Variants in MYT1 observed in about 807,000 individuals in gnomAD.
MYT1 encodes myelin transcription factor 1, also known as myelin transcription factor I.
A neutral mutation model predicts 123.0 loss-of-function variants in MYT1; 23 were observed. That is an observed-to-expected ratio of 0.19 (90% CI 0.13 to 0.26). The LOEUF (loss-of-function observed/expected upper bound fraction) is 0.26. Ranked by LOEUF, MYT1 falls within the 10% of genes least tolerant of loss-of-function variation. MYT1 has a pLI of 1.00. For synonymous variants in MYT1, 518 were observed against 575.3 expected (o/e 0.90, Z 1.43); for missense variants, 1,125 against 1,472.5 (o/e 0.76, Z 3.86).
chr20:64,208,112 G>A lies in MYT1; in HGVS notation c.916G>A (p.Glu306Lys). 3 of 1,611,354 alleles carry A rather than the reference G, an allele frequency of 1.9e-6. No homozygotes were observed. The highest frequency in any genetic ancestry group is 2.5e-6 in the Non-Finnish European group (3 of 1,178,796). ...EEEEEEEEEE[E>K]AAPDVIFQED... ...AGAGGAAGAGGAAGAGGAGGAGGAG[G>A]AGGCAGCTCCTGATGTGATCTTTCA... The change falls in exon 7 of 23, where the codon GAG becomes AAG. Residue 306 changes from glutamate to lysine, a missense_variant. By Grantham distance (56) the Glu-to-Lys change is moderately conservative. Transcript: ENST00000328439. This position sits in a 1 kb window ranked among gnomAD's most constrained non-coding sequence, Gnocchi z 5.4.
At chr20:64,179,644 C>T (rs407518) in intron 1 of MYT1, among the ~76,000 whole-genome samples, 138,657 of 152,022 alleles carry the variant, frequency 0.91, 63,301 homozygotes, top group East Asian at 1. Context: ...GAGGCTCCTG[C>T]AGCCTCGGTC....
At chr20:64,173,365 C>T (rs1396940226) in intron 1 of MYT1, among the ~76,000 whole-genome samples, 1 of 152,178 alleles carries the variant, frequency 6.6e-6, no homozygotes, top group Non-Finnish European at 1.5e-5. Context: ...TTGTGGGCTT[C>T]TCCCCAGCCT....
chr20:64,190,283 C>T lies in MYT1; in HGVS notation c.-1+123C>T, dbSNP rs1245189530. On this transcript the variant is annotated intron_variant, in intron 2 of 22. Transcript: ENST00000328439. The surrounding 1 kb of genome is among the most constrained non-coding windows in gnomAD (Gnocchi z 4.1). ...TTTTGGTCTGATCCTCACCAGAGTC[C>T]GGGTTAGGTGAAGGGTAAATGGGGA... 6.6e-6 allele frequency: 1 copy of T among 152,226 alleles called. No homozygotes were observed. The highest frequency in any genetic ancestry group is 1.5e-5 in the Non-Finnish European group (1 of 68,036). The allele number at this position is 152,226 out of a possible 1,614,324, so 9.4% of individuals were successfully genotyped here. A position where few individuals can be genotyped will look rare whatever the true frequency, so the allele number is the denominator to read the frequency against.
Position 64,240,558 on chromosome 20 carries a change from T to A in MYT1, c.*110T>A. 7.0e-7 allele frequency: 1 copy of A among 1,424,712 alleles called. No individual in the cohort carries two copies. The highest frequency in any genetic ancestry group is 1.5e-5 in the South Asian group (1 of 67,750). 88.3% of individuals were successfully genotyped at this position (1,424,712 alleles called of 1,614,324 possible). A position where few individuals can be genotyped will look rare whatever the true frequency, so the allele number is the denominator to read the frequency against. ...CAGTGACTTCCCGTTTGGGGCCCGG[T>A]GTGGCCGCGGGCGGGTTTATCCAAA... On this transcript the variant is annotated 3_prime_UTR_variant, in exon 23 of 23. Transcript: ENST00000328439.
Position 64,227,894 on chromosome 20 carries a change from C to A in MYT1, c.2598C>A (p.Ser866=). The change falls in exon 18 of 23, where the codon TCC becomes TCA. Residue 866 remains serine, a synonymous_variant. Coordinates refer to ENST00000328439, the MANE Select transcript of MYT1 (RefSeq NM_004535.3). ...TGNYASHRSL[S]GCPRAKKSGV... ...TTTCCTCTTTCGAAATCAGCTTGTC[C>A]GGCTGCCCTCGTGCAAAGAAAAGTG... 6.2e-7 allele frequency: 1 copy of A among 1,612,462 alleles called. No homozygotes were observed. The highest frequency in any genetic ancestry group is 1.1e-5 in the South Asian group (1 of 90,646).
rs1181367641 is a variant in MYT1 at position 64,232,559 on chromosome 20, G to A, written c.2897+174G>A. Among the ~76,000 whole-genome samples, 2 of 152,144 alleles carry A rather than the reference G, an allele frequency of 1.3e-5. No individual in the cohort carries two copies. The highest frequency in any genetic ancestry group is 2.1e-4 in the South Asian group (1 of 4,834). ...ATGGGGGAGGCTAGCGGGTCTGTTGGTGCCAGGTGATGCTGTGGGTTATGT... is the reference window on the plus strand; with the variant it reads ...ATGGGGGAGGCTAGCGGGTCTGTTGATGCCAGGTGATGCTGTGGGTTATGT... On this transcript the variant is annotated intron_variant, in intron 19 of 22. Transcript: ENST00000328439. The surrounding 1 kb of genome is among the most constrained non-coding windows in gnomAD (Gnocchi z 6.9).
Position 64,237,312 on chromosome 20 carries a change from G to T in MYT1, c.3015G>T (p.Lys1005Asn), listed in dbSNP as rs749226505. The T allele has an allele frequency of 6.2e-7, 1 of 1,611,216 alleles. No individual in the cohort carries two copies. Among genetic ancestry groups the T allele is most frequent in the Non-Finnish European group, 8.5e-7 (1 of 1,179,366 alleles). The change falls in exon 21 of 23, where the codon AAG (lysine) becomes AAT (asparagine). Residue 1005 changes from lysine to asparagine, a missense_variant. Physicochemically the swap from Lys to Asn is moderately conservative, Grantham distance 94 (BLOSUM62 0). Around this residue, in one of 4 missense-constraint regions of MYT1, gnomAD observed 243 missense variants for 323.1 expected, o/e 0.75. Coordinates refer to ENST00000328439, the MANE Select transcript of MYT1 (RefSeq NM_004535.3). ...TGTTGGAGAATGATGAGGAGATCAA[G>T]CAGCTGAACCAGGAGATCCGAGACC... ...SDVLENDEEI[K>N]QLNQEIRDLN...
intron 1 of MYT1, among the ~76,000 whole-genome samples, chr20:64,170,247 A>C (rs1982210188): frequency 6.7e-6 from 1 of 150,280 alleles, no homozygotes; most frequent in South Asian, 2.1e-4. Flanking sequence ...ACTTACCTTT[A>C]CTCTCACGTG....
Position 64,207,611 on chromosome 20 carries a change from T to C in MYT1, c.415T>C (p.Ser139Pro). 1 of 1,613,276 alleles carries C rather than the reference T, an allele frequency of 6.2e-7. No homozygotes were observed. The highest frequency in any genetic ancestry group is 8.5e-7 in the Non-Finnish European group (1 of 1,179,690). Residue 139 changes from serine to proline, a missense_variant, in exon 7 of 23, where the codon TCC becomes CCC. Coordinates refer to ENST00000328439, the MANE Select transcript of MYT1 (RefSeq NM_004535.3). Reference protein sequence around the residue: ...ETAEGRSPVKSHFGSNPIGSA... With the variant: ...ETAEGRSPVKPHFGSNPIGSA... ...TTGTGCAGGAAGGAGCCCCGTCAAG[T>C]CCCATTTTGGATCCAACCCCATCGG...
rs2145707447 is a variant in MYT1, at chr20:64,196,535, C to T, written c.1-2327C>T. On this transcript the variant is annotated intron_variant, in intron 2 of 22. Coordinates refer to ENST00000328439, the MANE Select transcript of MYT1 (RefSeq NM_004535.3). The surrounding 1 kb of genome is among the most constrained non-coding windows in gnomAD (Gnocchi z 4.3). ...TCAGAAACCAGTGTCCCAAGTCACC[C>T]AGCTCTTACGGGTTCATTCTCGTAT... 6.6e-6 allele frequency among the ~76,000 whole-genome samples: 1 copy of T among 152,368 alleles called. No individual in the cohort carries two copies. The highest frequency in any genetic ancestry group is 3.4e-3 in the Middle Eastern group (1 of 294).
intron 1 of MYT1, among the ~76,000 whole-genome samples, chr20:64,169,318 A>G (rs1371294718): frequency 6.6e-6 from 1 of 152,236 alleles, no homozygotes; most frequent in Non-Finnish European, 1.5e-5. Flanking sequence ...CCAGAGCCAC[A>G]GACCCGAGGC....
At position 64,166,909 on chromosome 20, in the gene MYT1, C is replaced by G. The variant is rs146507220; in HGVS notation, c.-99+2170C>G. ...CTGGGCAGCTCTGGCAGCTGACCAA[C>G]GGCAGCCTGGATGGTGGCTGGAGCT... On this transcript the variant is annotated intron_variant, in intron 1 of 22. Coordinates refer to ENST00000328439, the MANE Select transcript of MYT1 (RefSeq NM_004535.3). The surrounding 1 kb of genome is among the most constrained non-coding windows in gnomAD (Gnocchi z 4.9). 6.6e-6 allele frequency among the ~76,000 whole-genome samples: 1 copy of G among 152,138 alleles called. No individual in the cohort carries two copies. Among genetic ancestry groups the G allele is most frequent in the African/African-American group, 2.4e-5 (1 of 41,422 alleles).
intron 1 of MYT1, among the ~76,000 whole-genome samples, chr20:64,177,759 G>T (rs1412042901): frequency 3.3e-5 from 5 of 152,114 alleles, no homozygotes; most frequent in African/African-American, 1.2e-4. Context: ...GTCCTGTGTG[G>T]GCTGAGGGAG....
At position 64,237,295 on chromosome 20, in the gene MYT1, AATG is replaced by A. The variant is rs1277236100; in HGVS notation, c.3003_3005del (p.Asp1001del). 6.2e-7 allele frequency: 1 copy of A among 1,610,626 alleles called. No individual in the cohort carries two copies. Among genetic ancestry groups the A allele is most frequent in the Non-Finnish European group, 8.5e-7 (1 of 1,179,176 alleles). On this transcript the variant is annotated inframe_deletion, in exon 21 of 23. Transcript: ENST00000328439. ...GTTTCTCTCTGGGTCAGTGTTGGAG[AATG>A]ATGAGGAGATCAAGCAGCTGAACCA...
chr20:64,238,715 C>T (rs529310550), intron 21 of MYT1, among the ~76,000 whole-genome samples: 6 of 152,038 alleles, frequency 3.9e-5, no homozygotes, highest in Non-Finnish European at 7.4e-5. Context: ...CTGCTCCTCC[C>T]CTTCTCAGAG....
intron 18 of MYT1, among the ~76,000 whole-genome samples, chr20:64,229,769 G>A (rs559803174): frequency 6.6e-6 from 1 of 152,314 alleles, no homozygotes; most frequent in South Asian, 2.1e-4. Context: ...TCCTGCCTGC[G>A]CTATTTAAAA....
rs7263705 is a variant in MYT1 at position 64,196,396 on chromosome 20, A to G, written c.1-2466A>G. On this transcript the variant is annotated intron_variant, in intron 2 of 22. Transcript: ENST00000328439. The surrounding 1 kb of genome is among the most constrained non-coding windows in gnomAD (Gnocchi z 4.3). ...ATCTTGCGGCAGGAGGAGAGCAGAGAACTCACCTCTGAAGTGCTTTGACTT... is the reference window on the plus strand; with the variant it reads ...ATCTTGCGGCAGGAGGAGAGCAGAGGACTCACCTCTGAAGTGCTTTGACTT... Among the ~76,000 whole-genome samples the G allele has an allele frequency of 0.13, 20,077 of 152,218 alleles. 1,538 individuals carry two copies. Among genetic ancestry groups the G allele is most frequent in the African/African-American group, 0.18 (7,640 of 41,514 alleles).
At position 64,205,153 on chromosome 20, in the gene MYT1, G is replaced by C. The variant is rs1301903444; in HGVS notation, c.149+56G>C. 3.2e-6 allele frequency: 5 copies of C among 1,579,592 alleles called. No homozygotes were observed. The African/African-American group carries it at 6.7e-5, about 21-fold the overall frequency. ...CCTGGGCGGTAGATTTGGAGCCCCT[G>C]CCCACTCTGCAGATGGAGAACTTTC... On this transcript the variant is annotated intron_variant, in intron 5 of 22. Transcript: ENST00000328439.
Position 64,218,758 on chromosome 20 carries a change from C to A in MYT1, c.1847-153C>A. The A allele has an allele frequency of 3.1e-6, 3 of 975,832 alleles. No homozygotes were observed. The highest frequency in any genetic ancestry group is 1.6e-5 in the African/African-American group (1 of 63,158). The allele number at this position is 975,832 out of a possible 1,614,324, so 60.4% of individuals were successfully genotyped here. On this transcript the variant is annotated intron_variant, in intron 11 of 22. Coordinates refer to ENST00000328439, the MANE Select transcript of MYT1 (RefSeq NM_004535.3). This position sits in a 1 kb window ranked among gnomAD's most constrained non-coding sequence, Gnocchi z 4.0. ...TCCCATCCCTCCCAAAGTGCCCCCT[C>A]CCCACTGACTTGTCTGCATTGCTGC...
Sources: gnomAD v4.1 joint callset for allele counts (sites outside exome capture counted in the v4.1 genomes callset) on GRCh38, gnomAD v4.1.1 for gene constraint, gnomAD v4.1.1 regional missense constraint, Gnocchi (gnomAD v3.1) non-coding constraint, MANE v1.5 for transcripts, NCBI Gene and HGNC (gene_info 2026-07-23, HGNC 2026-07-21) for gene names.